The following GRM7 variants were observed in gnomAD, a reference collection of about 807,000 sequenced individuals.
GRM7 encodes the protein glutamate metabotropic receptor 7.
A neutral mutation model predicts 84.5 loss-of-function variants in GRM7; 35 were observed. The observed-to-expected ratio is 0.41, with a 90% confidence interval of 0.32 to 0.55. The LOEUF is 0.55. Ranked by LOEUF, GRM7 falls within the 20% of genes least tolerant of loss-of-function variation. The pLI is 0.19. For synonymous variants in GRM7, 487 were observed against 455.1 expected, an observed-to-expected ratio of 1.07 and a Z score of -0.89; for missense variants, 1,003 against 1,194.6, an observed-to-expected ratio of 0.84 and a Z score of 2.36.
chr3:7,468,854 C>G (rs1203320828), intron 7 of GRM7, among the ~76,000 whole-genome samples: 2 of 152,166 alleles, frequency 1.3e-5, no homozygotes, highest in Non-Finnish European at 2.9e-5. Flanking sequence ...CCCTTCACGA[C>G]TGTGAATTTT....
chr3:7,025,192 T>A (rs1695935918), intron 1 of GRM7, among the ~76,000 whole-genome samples: 1 of 152,186 alleles, frequency 6.6e-6, no homozygotes, highest in African/African-American at 2.4e-5. Flanking sequence ...TGAGTCCAGA[T>A]GGATCATCTA....
chr3:7,460,114 A>AT (rs1698182511), intron 6 of GRM7, among the ~76,000 whole-genome samples: 1 of 149,484 alleles, frequency 6.7e-6, no homozygotes, highest in Non-Finnish European at 1.5e-5. Context: ...AAAAAAAAAA[A>AT]AAAAAAAAAA....
chr3:7,573,699 C>T (rs1694820614), intron 7 of GRM7, among the ~76,000 whole-genome samples: 1 of 152,182 alleles, frequency 6.6e-6, no homozygotes, highest in Non-Finnish European at 1.5e-5. Context: ...GGTGCTTTTT[C>T]TCTGTTTCTG....
At chr3:7,090,361 AGT>A (rs148734445) in intron 1 of GRM7, among the ~76,000 whole-genome samples, 10,593 of 152,140 alleles carry the variant, frequency 0.07, 417 homozygotes, top group African/African-American at 0.12. Flanking sequence ...GGTGGCTGTA[AGT>A]GTGTGATCTT....
intron 2 of GRM7, among the ~76,000 whole-genome samples, chr3:7,171,722 C>T (rs192196803): frequency 5.3e-5 from 8 of 152,258 alleles, no homozygotes; most frequent in Non-Finnish European, 1.0e-4. Flanking sequence ...GTCTTTGTCA[C>T]GTGGGCCATG....
rs546322995 is a variant in GRM7, at chr3:7,304,003, C to G, written c.879-2495C>G. 5.9e-5 allele frequency among the ~76,000 whole-genome samples: 9 copies of G among 151,472 alleles called. No homozygotes were observed. In the East Asian group the frequency reaches 1.2e-3, roughly 20 times the overall value. ...TTTACATCTAAAAAATGTTCTCATT[C>G]TGCCTCTACCCTTAATTAGTAGTTA... On this transcript the variant is annotated intron_variant, in intron 3 of 9. Coordinates refer to ENST00000357716, the MANE Select transcript of GRM7 (RefSeq NM_000844.4).
chr3:6,983,023 T>C (rs568498291), intron 1 of GRM7, among the ~76,000 whole-genome samples: 2 of 152,300 alleles, frequency 1.3e-5, no homozygotes, highest in South Asian at 2.1e-4. Context: ...CCATGGCTTT[T>C]GAAGAAAAAA....
At chr3:7,307,800 T>C (rs901753348) in intron 4 of GRM7, among the ~76,000 whole-genome samples, 2 of 152,344 alleles carry the variant, frequency 1.3e-5, no homozygotes, top group East Asian at 1.9e-4. Context: ...AAAAACTGTG[T>C]ATCTGTTGTG....
At chr3:6,894,323 T>C (rs1696088569) in intron 1 of GRM7, among the ~76,000 whole-genome samples, 1 of 152,134 alleles carries the variant, frequency 6.6e-6, no homozygotes, top group Non-Finnish European at 1.5e-5. Context: ...GAAATTCACA[T>C]AAGAAAAAAT....
intron 2 of GRM7, among the ~76,000 whole-genome samples, chr3:7,249,656 A>G (rs1320471947): frequency 1.3e-5 from 2 of 152,208 alleles, no homozygotes; most frequent in African/African-American, 4.8e-5. Flanking sequence ...ATTGAAACAG[A>G]CAAATCATCA....
intron 1 of GRM7, among the ~76,000 whole-genome samples, chr3:6,931,483 T>C (rs1329879611): frequency 2.0e-5 from 3 of 152,140 alleles, no homozygotes; most frequent in Non-Finnish European, 4.4e-5. Flanking sequence ...ATTCATTTGT[T>C]CCTTCAATTT....
chr3:7,659,610 C>T (rs1213089969), intron 8 of GRM7, among the ~76,000 whole-genome samples: 2 of 152,176 alleles, frequency 1.3e-5, no homozygotes, highest in African/African-American at 2.4e-5. Context: ...AGGTAGCACA[C>T]ACCATTATGT....
intron 8 of GRM7, among the ~76,000 whole-genome samples, chr3:7,625,991 T>C (rs762179802): frequency 3.3e-5 from 5 of 152,154 alleles, no homozygotes; most frequent in Admixed American, 6.5e-5. Flanking sequence ...ATTGTCCTTA[T>C]AGCTGAGAAA....
At chr3:7,529,393 G>T (rs1012017265) in intron 7 of GRM7, among the ~76,000 whole-genome samples, 4 of 152,142 alleles carry the variant, frequency 2.6e-5, no homozygotes, top group African/African-American at 9.7e-5. Context: ...CAAGCCAGCT[G>T]TCTATTCGCA....
chr3:7,673,836 G>A (rs1399692812), intron 8 of GRM7, among the ~76,000 whole-genome samples: 3 of 151,830 alleles, frequency 2.0e-5, no homozygotes, highest in African/African-American at 2.4e-5. Flanking sequence ...GAAATCACAT[G>A]TTTACAAACA....
chr3:6,924,248 A>T (rs1009154774), intron 1 of GRM7, among the ~76,000 whole-genome samples: 1 of 152,206 alleles, frequency 6.6e-6, no homozygotes, highest in African/African-American at 2.4e-5. Context: ...ATATTAGCTA[A>T]ATGGGATACT....
At chr3:7,381,598 C>T (rs1438711764) in intron 4 of GRM7, among the ~76,000 whole-genome samples, 1 of 152,092 alleles carries the variant, frequency 6.6e-6, no homozygotes, top group African/African-American at 2.4e-5. Context: ...AGCCGCCTGA[C>T]CGTATTGAAG....
intron 2 of GRM7, among the ~76,000 whole-genome samples, chr3:7,162,728 CAT>C (rs1694665040): frequency 7.0e-5 from 4 of 57,140 alleles, no homozygotes; most frequent in African/African-American, 2.1e-4. Context: ...TCCCATTTTT[CAT>C]TTTTTTTTTT....
intron 4 of GRM7, among the ~76,000 whole-genome samples, chr3:7,354,392 T>C (rs1481807740): frequency 6.6e-6 from 1 of 152,126 alleles, no homozygotes; most frequent in Non-Finnish European, 1.5e-5. Context: ...ATCCACCCTA[T>C]GGTTATTTTC....
Sources: allele counts gnomAD v4.1 joint callset (sites outside exome capture counted in the v4.1 genomes callset), GRCh38; gene constraint gnomAD v4.1.1; transcripts MANE v1.5; gene names NCBI Gene and HGNC (gene_info 2026-07-23, HGNC 2026-07-21).